Variants in CFAP61 observed in about 807,000 individuals in gnomAD.
The protein encoded by CFAP61 is cilia and flagella associated protein 61.
A neutral mutation model predicts 135.6 loss-of-function variants in CFAP61; 107 were observed. The ratio of observed to expected loss-of-function variants is 0.79; its 90% CI spans 0.67 to 0.93. The LOEUF (loss-of-function observed/expected upper bound fraction) is 0.93. Ranked by LOEUF, CFAP61 falls within the 40% of genes least tolerant of loss-of-function variation. The pLI is 0.00. For synonymous variants in CFAP61, 575 were observed against 578.5 expected (o/e 0.99, Z 0.09); for missense variants, 1,507 against 1,556.2 (o/e 0.97, Z 0.53).
chr20:20,250,852 T>C (rs1314496061), intron 19 of CFAP61, among the ~76,000 whole-genome samples: 2 of 152,094 alleles, frequency 1.3e-5, no homozygotes, highest in Non-Finnish European at 2.9e-5. Context: ...GTGAAAGCGC[T>C]CAAACTCCAA....
At chr20:20,169,125 C>T (rs2273126) in intron 12 of CFAP61, among the ~76,000 whole-genome samples, 196 bp from the exon 13 acceptor site, 137,103 of 152,232 alleles carry the variant, frequency 0.9, 62,557 homozygotes, top group Middle Eastern at 0.99. Flanking sequence ...ACAAAGATAC[C>T]TTTTCCCTGC....
intron 13 of CFAP61, among the ~76,000 whole-genome samples, chr20:20,180,088 T>C (rs1028434939): frequency 6.6e-6 from 1 of 152,142 alleles, no homozygotes; most frequent in Non-Finnish European, 1.5e-5. Context: ...AGACAACCTA[T>C]AGAATGGAAG....
intron 25 of CFAP61, among the ~76,000 whole-genome samples, chr20:20,327,629 G>C (rs1010293155): frequency 2.6e-5 from 4 of 151,946 alleles, no homozygotes; most frequent in African/African-American, 9.7e-5. Flanking sequence ...CTTTAGGTAA[G>C]AGAAACATTA....
At chr20:20,344,884 T>C (rs2058575306) in intron 26 of CFAP61, among the ~76,000 whole-genome samples, 1 of 151,728 alleles carries the variant, frequency 6.6e-6, no homozygotes, top group South Asian at 2.1e-4. Context: ...AAAAAAAAAA[T>C]GTGGTCTATA....
chr20:20,229,521 T>G (rs1404836492), intron 18 of CFAP61, among the ~76,000 whole-genome samples: 1 of 152,060 alleles, frequency 6.6e-6, no homozygotes, highest in Non-Finnish European at 1.5e-5. Flanking sequence ...CCATCACTCT[T>G]CTGGAAGCCA....
chr20:20,328,122 C>T (rs567675342), intron 25 of CFAP61, among the ~76,000 whole-genome samples: 3 of 152,230 alleles, frequency 2.0e-5, no homozygotes, highest in East Asian at 1.9e-4. Flanking sequence ...AGAAGGCCAG[C>T]GTGGCTGTAG....
At chr20:20,056,160 G>C (rs1264423244) in intron 1 of CFAP61, 6 of 607,786 alleles carry the variant, frequency 9.9e-6, no homozygotes, top group African/African-American at 1.9e-5. Flanking sequence ...CTTAACCACA[G>C]AACTTTTTTG....
chr20:20,068,278 T>G (rs1279066580), intron 2 of CFAP61, among the ~76,000 whole-genome samples: 1 of 152,146 alleles, frequency 6.6e-6, no homozygotes, highest in Non-Finnish European at 1.5e-5. Context: ...TCTCATCTGG[T>G]TTAGAGGGAG....
At chr20:20,057,802 C>T (rs1337787381) in intron 2 of CFAP61, among the ~76,000 whole-genome samples, 3 of 152,166 alleles carry the variant, frequency 2.0e-5, no homozygotes, top group Non-Finnish European at 4.4e-5. Context: ...ACTGCAATCT[C>T]CGCCTCCTGG....
chr20:20,332,432 C>G (rs1193202), intron 25 of CFAP61, among the ~76,000 whole-genome samples: 6,612 of 152,256 alleles, frequency 0.043, 481 homozygotes, highest in African/African-American at 0.15. Context: ...ACTGCCATCT[C>G]AATATGTTCA....
At chr20:20,277,737 C>G (rs936570768) in intron 22 of CFAP61, among the ~76,000 whole-genome samples, 4 of 152,218 alleles carry the variant, frequency 2.6e-5, no homozygotes, top group Non-Finnish European at 5.9e-5. Flanking sequence ...CTGGGAAGTT[C>G]TCACTTGAGG....
At chr20:20,277,481 C>A in intron 22 of CFAP61, 23 bp downstream of exon 22, 1 of 1,579,958 alleles carries the variant, frequency 6.3e-7, no homozygotes, top group Non-Finnish European at 8.6e-7. Context: ...CTGCAAACCT[C>A]ACTCACCAGC....
chr20:20,230,162 AT>A (rs1384753206), intron 18 of CFAP61, among the ~76,000 whole-genome samples: 1 of 152,242 alleles, frequency 6.6e-6, no homozygotes, highest in Non-Finnish European at 1.5e-5. Flanking sequence ...AAAGACAAGT[AT>A]AAATTTTGAT....
intron 8 of CFAP61, among the ~76,000 whole-genome samples, chr20:20,109,227 ACT>A (rs2048624664): frequency 6.6e-6 from 1 of 151,578 alleles, no homozygotes; most frequent in Admixed American, 6.6e-5. Context: ...GACTAAAGTG[ACT>A]CTTTTAGGTA....
intron 7 of CFAP61, among the ~76,000 whole-genome samples, chr20:20,095,148 C>G (rs2047474963): frequency 1.3e-5 from 2 of 151,932 alleles, no homozygotes; most frequent in East Asian, 1.9e-4. Flanking sequence ...ATGTCTGGGT[C>G]TCTATACAGT....
At chr20:20,320,912 A>G (rs1482093807) in intron 25 of CFAP61, among the ~76,000 whole-genome samples, 1 of 151,744 alleles carries the variant, frequency 6.6e-6, no homozygotes, top group Admixed American at 6.6e-5. Context: ...GACACAATTA[A>G]TTACTTGGAT....
At chr20:20,158,050 A>G (rs1156805246) in intron 9 of CFAP61, among the ~76,000 whole-genome samples, 1 of 149,292 alleles carries the variant, frequency 6.7e-6, no homozygotes, top group African/African-American at 2.4e-5. Context: ...ATGAGATCAC[A>G]TGGACACAGG....
At chr20:20,275,488 G>A (rs141829610) in intron 21 of CFAP61, among the ~76,000 whole-genome samples, 36 of 152,130 alleles carry the variant, frequency 2.4e-4, no homozygotes, top group African/African-American at 5.8e-4. Flanking sequence ...GAAAAGTATC[G>A]TCCTCTCCAG....
chr20:20,090,545 C>G (rs1204927306), intron 6 of CFAP61, among the ~76,000 whole-genome samples: 3 of 151,908 alleles, frequency 2.0e-5, no homozygotes, highest in African/African-American at 2.4e-5. Context: ...CAAAAATTAG[C>G]TGGGCGTGGT....
Sources: gnomAD v4.1 joint callset for allele counts (sites outside exome capture counted in the v4.1 genomes callset) on GRCh38, gnomAD v4.1.1 for gene constraint, MANE v1.5 for transcripts, NCBI Gene and HGNC (gene_info 2026-07-23, HGNC 2026-07-21) for gene names.